Variants in NEK11 observed in about 807,000 individuals in gnomAD.
NEK11 encodes NIMA related kinase 11, also known as serine/threonine-protein kinase Nek11.
In NEK11, 72 loss-of-function variants were observed where a neutral mutation model predicts 80.7. That is an observed-to-expected ratio of 0.89 (90% CI 0.74 to 1.08). NEK11 has a LOEUF of 1.08. Among genes scored for constraint, NEK11 ranks in the 50% least tolerant of loss-of-function variants. NEK11 has a pLI of 0.00. For missense variants in NEK11, 764 were observed against 763.6 expected, an observed-to-expected ratio of 1.00 and a Z score of -0.01; for synonymous variants, 251 against 260.7, an observed-to-expected ratio of 0.96 and a Z score of 0.36.
intron 3 of NEK11, among the ~76,000 whole-genome samples, chr3:131,064,463 T>C (rs1490089961): frequency 1.3e-5 from 2 of 152,234 alleles, no homozygotes; most frequent in East Asian, 1.9e-4. Context: ...ACAACACTTA[T>C]ATAGGATTAG....
At chr3:131,073,142 G>A (rs1405493325) in intron 3 of NEK11, among the ~76,000 whole-genome samples, 2 of 152,172 alleles carry the variant, frequency 1.3e-5, no homozygotes, top group Admixed American at 1.3e-4. Context: ...GAGAACTCCA[G>A]GGAGCACCAG....
At chr3:131,121,252 T>C (rs1170131715) in intron 5 of NEK11, among the ~76,000 whole-genome samples, 3 of 152,232 alleles carry the variant, frequency 2.0e-5, no homozygotes, top group Non-Finnish European at 4.4e-5. Flanking sequence ...TGGAGGTCCA[T>C]TGCAGACCCT....
chr3:131,115,930 CTTTCT>C, intron 5 of NEK11, among the ~76,000 whole-genome samples: 1 of 111,240 alleles, frequency 9.0e-6, no homozygotes, highest in East Asian at 2.5e-4. Flanking sequence ...TTCTTTCTTT[CTTTCT>C]TTCTTTCTTT....
intron 5 of NEK11, among the ~76,000 whole-genome samples, chr3:131,130,658 T>C (rs1421520455): frequency 6.6e-6 from 1 of 152,176 alleles, no homozygotes. Flanking sequence ...TCTGCATCTA[T>C]TGATTTTTTC....
At chr3:131,117,369 G>T (rs752371101) in intron 5 of NEK11, among the ~76,000 whole-genome samples, 25 of 152,188 alleles carry the variant, frequency 1.6e-4, no homozygotes, top group Non-Finnish European at 3.5e-4. Context: ...TGCTGTTTTG[G>T]TTACTGTAGC....
Position 131,225,049 on chromosome 3 carries a change from G to GT in NEK11, c.1400-3478dup, listed in dbSNP as rs1412371770. On this transcript the variant is annotated intron_variant, in intron 14 of 17. Transcript: ENST00000383366. ...GTTTATAAGTCTGTAGTAGCGTACA[G>GT]TAATGTTCTAGGCCTTCGCATTCAC... 2.0e-5 allele frequency among the ~76,000 whole-genome samples: 3 copies of GT among 152,170 alleles called. No individual in the cohort carries two copies. The East Asian group carries it at 5.8e-4, about 29-fold the overall frequency.
intron 7 of NEK11, 48 bp from the exon 8 acceptor site, chr3:131,152,340 A>G: frequency 6.6e-7 from 1 of 1,523,634 alleles, no homozygotes; most frequent in Non-Finnish European, 8.8e-7. Context: ...GAAAAAATTT[A>G]AAATAGGATA....
chr3:131,036,926 C>T (rs2065739101), intron 3 of NEK11, among the ~76,000 whole-genome samples: 1 of 152,144 alleles, frequency 6.6e-6, no homozygotes, highest in Non-Finnish European at 1.5e-5. Context: ...ATCTCACATG[C>T]TTTTTTAAAG....
chr3:131,218,370 C>A (rs1206066562), intron 14 of NEK11, among the ~76,000 whole-genome samples: 1 of 152,178 alleles, frequency 6.6e-6, no homozygotes, highest in African/African-American at 2.4e-5. Context: ...TCTGCTCACA[C>A]AGGGAGCTCT....
intron 17 of NEK11, among the ~76,000 whole-genome samples, chr3:131,340,101 A>G (rs2097262289): frequency 6.6e-6 from 1 of 152,214 alleles, no homozygotes; most frequent in Middle Eastern, 3.2e-3. Context: ...GGAAATCTGA[A>G]TGTTTCCATA....
chr3:131,169,007 A>G, intron 13 of NEK11, 70 bp downstream of exon 13: 2 of 1,205,372 alleles, frequency 1.7e-6, no homozygotes, highest in East Asian at 2.4e-5. Context: ...CAAAGGGGAA[A>G]GAAAATGGGA....
At chr3:131,271,388 T>C (rs1436888283) in intron 16 of NEK11, among the ~76,000 whole-genome samples, 2 of 152,218 alleles carry the variant, frequency 1.3e-5, no homozygotes, top group Non-Finnish European at 2.9e-5. Context: ...AGAATATTCA[T>C]CTCAATTATA....
At chr3:131,255,233 C>T (rs1476287371) in intron 16 of NEK11, among the ~76,000 whole-genome samples, 2 of 152,084 alleles carry the variant, frequency 1.3e-5, no homozygotes, top group African/African-American at 4.8e-5. Flanking sequence ...ATTTTCATTT[C>T]TAAGAAGTTC....
Position 131,152,671 on chromosome 3 carries a change from G to A in NEK11, c.838G>A (p.Glu280Lys), listed in dbSNP as rs182509330. Reference sequence around the variant, plus strand: ...TCCTTCATTAAGACCATCTGCTATCGAAATTTTAAAAATCCCTTACCTTGA... The same window carrying A: ...TCCTTCATTAAGACCATCTGCTATCAAAATTTTAAAAATCCCTTACCTTGA... The part of the protein sequence containing the change: ...KNPSLRPSAI[E>K]ILKIPYLDEQ... The change falls in exon 9 of 18, where the codon GAA becomes AAA. Residue 280 changes from glutamate to lysine, a missense_variant. Transcript: ENST00000383366. 70 of 1,613,530 alleles carry A rather than the reference G, an allele frequency of 4.3e-5. No homozygotes were observed. Among genetic ancestry groups the A allele is most frequent in the Admixed American group, 4.3e-4 (26 of 59,982 alleles).
At chr3:131,103,527 C>T (rs1189842685) in intron 4 of NEK11, among the ~76,000 whole-genome samples, 1 of 152,162 alleles carries the variant, frequency 6.6e-6, no homozygotes, top group Non-Finnish European at 1.5e-5. Context: ...CTGCATGGCT[C>T]CTTTGTATTT....
At chr3:131,136,408 C>T (rs1236346160) in intron 7 of NEK11, among the ~76,000 whole-genome samples, 1 of 152,100 alleles carries the variant, frequency 6.6e-6, no homozygotes, top group Non-Finnish European at 1.5e-5. Context: ...GAGAACCTGT[C>T]TCTGAATCTC....
chr3:131,311,534 T>C (rs2096782409), intron 17 of NEK11, among the ~76,000 whole-genome samples: 1 of 152,246 alleles, frequency 6.6e-6, no homozygotes, highest in African/African-American at 2.4e-5. Flanking sequence ...TAAAAGATCA[T>C]TAATGCTGCC....
intron 3 of NEK11, among the ~76,000 whole-genome samples, chr3:131,051,693 A>AT (rs2068439863): frequency 1.3e-5 from 2 of 151,450 alleles, no homozygotes; most frequent in African/African-American, 2.4e-5. Context: ...TATTAAGAAA[A>AT]TTTTTTTTTG....
At chr3:131,233,582 G>A (rs964102928) in intron 15 of NEK11, among the ~76,000 whole-genome samples, 1 of 152,134 alleles carries the variant, frequency 6.6e-6, no homozygotes, top group African/African-American at 2.4e-5. Flanking sequence ...GAAAGGAAGG[G>A]ATCATGAGTT....
Sources: allele counts gnomAD v4.1 joint callset (sites outside exome capture counted in the v4.1 genomes callset), GRCh38; gene constraint gnomAD v4.1.1; transcripts MANE v1.5; gene names NCBI Gene and HGNC (gene_info 2026-07-23, HGNC 2026-07-21).